Variants in RGS7 observed in about 807,000 individuals in gnomAD.
RGS7 encodes the protein regulator of G protein signaling 7, also known as regulator of G-protein signaling 7.
A neutral mutation model predicts 81.1 loss-of-function variants in RGS7; 27 were observed. That is an observed-to-expected ratio of 0.33 (90% CI 0.25 to 0.46). RGS7 has a LOEUF of 0.46. RGS7 is among the 20% of genes least tolerant of loss of function. The pLI is 1.00. For missense variants in RGS7, 396 were observed against 607.4 expected (o/e 0.65, Z 3.66); for synonymous variants, 208 against 207.7 (o/e 1.00, Z -0.01).
At position 240,932,947 on chromosome 1, in the gene RGS7, G is replaced by C. The variant is rs1268547366; in HGVS notation, c.334-2179C>G. Among the ~76,000 whole-genome samples, 290 of 132,440 alleles carry C rather than the reference G, an allele frequency of 2.2e-3. 1 individual carries two copies. The highest frequency in any genetic ancestry group is 3.7e-3 in the Non-Finnish European group (232 of 63,384). The allele number at this position is 132,440 out of a possible 152,430, so 86.9% of individuals were successfully genotyped here. On this transcript the variant is annotated intron_variant, in intron 5 of 18. Coordinates refer to ENST00000440928, the MANE Select transcript of RGS7 (RefSeq NM_001364886.1). ...CGCCCAGGCTGGACTGCAGTGGCGC[G>C]ATCTCGGCTCACTGCAAGCTCCGCC...
chr1:241,330,306 G>A (rs1389545530), intron 2 of RGS7, among the ~76,000 whole-genome samples: 1 of 152,098 alleles, frequency 6.6e-6, no homozygotes, highest in African/African-American at 2.4e-5. Flanking sequence ...TGCTATTAGT[G>A]GTAGATGTCA....
At chr1:240,990,352 G>A (rs1046587748) in intron 3 of RGS7, among the ~76,000 whole-genome samples, 1 of 152,164 alleles carries the variant, frequency 6.6e-6, no homozygotes, top group Non-Finnish European at 1.5e-5. Flanking sequence ...AATTTTGAAT[G>A]AAACGAATAT....
chr1:241,169,594 C>T (rs967460961), intron 2 of RGS7, among the ~76,000 whole-genome samples: 16 of 151,932 alleles, frequency 1.1e-4, no homozygotes, highest in Admixed American at 5.9e-4. Context: ...CCACCTGCCT[C>T]GGCCTCCCAA....
chr1:240,972,559 G>A lies in RGS7; in HGVS notation c.226+10520C>T, dbSNP rs373817434. On this transcript the variant is annotated intron_variant, in intron 4 of 18. Coordinates refer to ENST00000440928, the MANE Select transcript of RGS7 (RefSeq NM_001364886.1). ...TGGGGACTGTGGTGGGGTGGGGGGAGGGGGGAGGGATAGCATTGGGAGATA... is the reference window on the plus strand; with the variant it reads ...TGGGGACTGTGGTGGGGTGGGGGGAAGGGGGAGGGATAGCATTGGGAGATA... 2.1e-5 allele frequency among the ~76,000 whole-genome samples: 2 copies of A among 95,282 alleles called. 1 individual carries two copies. Among genetic ancestry groups the A allele is most frequent in the Non-Finnish European group, 4.1e-5 (2 of 49,046 alleles). 62.5% of individuals were successfully genotyped at this position (95,282 alleles called of 152,430 possible). A position where few individuals can be genotyped will look rare whatever the true frequency, so the allele number is the denominator to read the frequency against.
chr1:241,129,757 A>C (rs941244558), intron 2 of RGS7, among the ~76,000 whole-genome samples: 1 of 152,086 alleles, frequency 6.6e-6, no homozygotes, highest in Non-Finnish European at 1.5e-5. Flanking sequence ...GGGGCCCACG[A>C]GTCTGTATTT....
At chr1:241,290,012 G>C (rs530873850) in intron 2 of RGS7, among the ~76,000 whole-genome samples, 1 of 152,332 alleles carries the variant, frequency 6.6e-6, no homozygotes, top group Non-Finnish European at 1.5e-5. Flanking sequence ...GAGATCATCA[G>C]AATTGAGGCA....
At chr1:241,199,303 C>G (rs1462433997) in intron 2 of RGS7, among the ~76,000 whole-genome samples, 1 of 151,764 alleles carries the variant, frequency 6.6e-6, no homozygotes, top group South Asian at 2.1e-4. Context: ...AAAAAAAATA[C>G]AAAAATTAGC....
intron 3 of RGS7, among the ~76,000 whole-genome samples, chr1:241,023,824 C>A (rs1251256922): frequency 1.3e-5 from 2 of 152,222 alleles, no homozygotes; most frequent in Admixed American, 6.5e-5. Context: ...TGGCTCACTG[C>A]AACCTCAGCC....
chr1:241,035,727 T>A (rs2060291274), intron 3 of RGS7, among the ~76,000 whole-genome samples: 1 of 152,118 alleles, frequency 6.6e-6, no homozygotes, highest in African/African-American at 2.4e-5. Flanking sequence ...ACCACCTCCA[T>A]CACCATGACC....
intron 2 of RGS7, among the ~76,000 whole-genome samples, chr1:241,337,814 T>C (rs1217740798): frequency 6.6e-6 from 1 of 152,200 alleles, no homozygotes; most frequent in Non-Finnish European, 1.5e-5. Flanking sequence ...TCCACCAACC[T>C]ACCTTCCCCT....
intron 2 of RGS7, among the ~76,000 whole-genome samples, chr1:241,179,120 A>C (rs1437974298): frequency 1.3e-5 from 2 of 152,188 alleles, no homozygotes; most frequent in Non-Finnish European, 2.9e-5. Context: ...TTTGAGACAG[A>C]GTCTCACTCT....
chr1:240,972,603 G>A (rs1434022091), intron 4 of RGS7, among the ~76,000 whole-genome samples: 7 of 137,910 alleles, frequency 5.1e-5, no homozygotes, highest in East Asian at 2.3e-4. Flanking sequence ...GCTAGATGAC[G>A]CATTAGTGGG....
intron 2 of RGS7, among the ~76,000 whole-genome samples, chr1:241,257,538 T>A (rs1297038118): frequency 6.6e-6 from 1 of 152,060 alleles, no homozygotes; most frequent in Non-Finnish European, 1.5e-5. Context: ...TTTGAAAAAA[T>A]TTGCAACACT....
chr1:240,795,137 T>G (rs941930257), intron 18 of RGS7, among the ~76,000 whole-genome samples: 1 of 151,354 alleles, frequency 6.6e-6, no homozygotes, highest in Non-Finnish European at 1.5e-5. Context: ...TGAGCCGAGA[T>G]CACACCATTG....
intron 2 of RGS7, among the ~76,000 whole-genome samples, chr1:241,244,372 G>A (rs927201637): frequency 7.2e-5 from 11 of 152,108 alleles, no homozygotes; most frequent in African/African-American, 2.4e-4. Flanking sequence ...CATCACCACT[G>A]GCCATCAGAG....
intron 4 of RGS7, among the ~76,000 whole-genome samples, chr1:240,975,099 C>G (rs1683862802): frequency 6.6e-6 from 1 of 152,002 alleles, no homozygotes; most frequent in Non-Finnish European, 1.5e-5. Context: ...CAAATAGCTG[C>G]CACTCAAAGA....
chr1:240,995,474 G>T (rs190474473), intron 3 of RGS7, among the ~76,000 whole-genome samples: 2 of 152,066 alleles, frequency 1.3e-5, no homozygotes, highest in African/African-American at 4.8e-5. Context: ...TGTTTTTAGA[G>T]ATTTCTAAAT....
At chr1:241,343,130 T>C (rs2082668505) in intron 2 of RGS7, among the ~76,000 whole-genome samples, 1 of 151,894 alleles carries the variant, frequency 6.6e-6, no homozygotes, top group Admixed American at 6.6e-5. Flanking sequence ...GGCATGGTGG[T>C]GCGCACCTGT....
At chr1:241,258,991 A>C (rs1006251592) in intron 2 of RGS7, among the ~76,000 whole-genome samples, 14 of 152,122 alleles carry the variant, frequency 9.2e-5, no homozygotes, top group African/African-American at 3.1e-4. Flanking sequence ...CATACTTCAC[A>C]AGCAGGAAAA....
Sources: allele counts gnomAD v4.1 joint callset (sites outside exome capture counted in the v4.1 genomes callset), GRCh38; gene constraint gnomAD v4.1.1; transcripts MANE v1.5; gene names NCBI Gene and HGNC (gene_info 2026-07-23, HGNC 2026-07-21).